The following ELAVL3 variants were observed in gnomAD, a reference collection of about 807,000 sequenced individuals.
ELAVL3 encodes ELAV-like protein 3.
ELAVL3 carries 8 observed loss-of-function variants against 34.2 expected under a neutral mutation model. That is an observed-to-expected ratio of 0.23 (90% CI 0.14 to 0.42). ELAVL3 has a LOEUF of 0.42. Ranked by LOEUF, ELAVL3 falls within the 10% of genes least tolerant of loss-of-function variation. The pLI is 1.00. For missense variants in ELAVL3, 273 were observed against 518.8 expected, an observed-to-expected ratio of 0.53 and a Z score of 4.60; for synonymous variants, 209 against 222.1, an observed-to-expected ratio of 0.94 and a Z score of 0.53.
At chr19:11,471,931 G>A (rs1275541448) in intron 1 of ELAVL3, among the ~76,000 whole-genome samples, 3 of 152,328 alleles carry the variant, frequency 2.0e-5, no homozygotes, top group East Asian at 3.9e-4. Flanking sequence ...GAAATCAGCA[G>A]CAAACAGTGC....
chr19:11,463,465 G>T (rs1332483967), intron 3 of ELAVL3, among the ~76,000 whole-genome samples: 1 of 152,142 alleles, frequency 6.6e-6, no homozygotes, highest in Non-Finnish European at 1.5e-5. Flanking sequence ...GAGTCTCAGA[G>T]AATTACAGTG....
intron 1 of ELAVL3, among the ~76,000 whole-genome samples, chr19:11,477,845 C>T (rs763023082): frequency 2.9e-4 from 44 of 152,030 alleles, no homozygotes; most frequent in Non-Finnish European, 5.0e-4. Context: ...TGCACCATCG[C>T]GCCCCGCTAA....
At chr19:11,469,992 G>C (rs1260137653) in intron 1 of ELAVL3, among the ~76,000 whole-genome samples, 1 of 152,162 alleles carries the variant, frequency 6.6e-6, no homozygotes, top group Non-Finnish European at 1.5e-5. Flanking sequence ...GGGAGGTCAA[G>C]GATGCAGTAA....
chr19:11,464,630 A>G (rs1345831616), intron 3 of ELAVL3, among the ~76,000 whole-genome samples: 1 of 144,426 alleles, frequency 6.9e-6, no homozygotes, highest in Non-Finnish European at 1.5e-5. Flanking sequence ...CACACACACC[A>G]CACACACCAC....
chr19:11,477,941 T>G (rs1971293820), intron 1 of ELAVL3, among the ~76,000 whole-genome samples: 1 of 152,118 alleles, frequency 6.6e-6, no homozygotes, highest in African/African-American at 2.4e-5. Context: ...CCACCCACCT[T>G]GGGCTCCCAA....
chr19:11,471,536 C>T (rs533037023), intron 1 of ELAVL3, among the ~76,000 whole-genome samples: 2 of 152,102 alleles, frequency 1.3e-5, no homozygotes, highest in South Asian at 4.1e-4. Context: ...TTCCTTGAAC[C>T]TGGGAGACGG....
At position 11,454,461 on chromosome 19, in the gene ELAVL3, CTCTCTCTT is replaced by C; in HGVS notation, c.*57_*64del. 4 of 1,401,762 alleles carry C rather than the reference CTCTCTCTT, an allele frequency of 2.9e-6. No homozygotes were observed. Among genetic ancestry groups the C allele is most frequent in the Middle Eastern group, 2.5e-4 (1 of 4,044 alleles). The allele number at this position is 1,401,762 out of a possible 1,614,324, so 86.8% of individuals were successfully genotyped here. ...TCTCTTGGGCCCCTTCTCTCTCTCT[CTCTCTCTT>C]TCTCTCTCTCTCTCTCTGCTGCCCG... On this transcript the variant is annotated 3_prime_UTR_variant, in exon 7 of 7. Transcript: ENST00000359227. This position sits in a 1 kb window ranked among gnomAD's most constrained non-coding sequence, Gnocchi z 9.2.
At chr19:11,469,247 A>G (rs1247307104) in intron 1 of ELAVL3, among the ~76,000 whole-genome samples, 4 of 150,868 alleles carry the variant, frequency 2.7e-5, no homozygotes, top group Non-Finnish European at 4.4e-5. Flanking sequence ...GCTTTAATAC[A>G]TTAATGTCAT....
Position 11,480,282 on chromosome 19 carries a change from G to A in ELAVL3, c.9+318C>T, listed in dbSNP as rs940040123. 5.3e-5 allele frequency: 18 copies of A among 341,340 alleles called. No homozygotes were observed. Among genetic ancestry groups the A allele is most frequent in the Middle Eastern group, 7.5e-4 (1 of 1,332 alleles). 21.1% of individuals were successfully genotyped at this position (341,340 alleles called of 1,614,324 possible). A position where few individuals can be genotyped will look rare whatever the true frequency, so the allele number is the denominator to read the frequency against. ...CTGCGGGGTCTGGGCCTGGATGGAGGAAGCATCCTTAGCCGCCGCGGCCCC... is the reference window on the plus strand; with the variant it reads ...CTGCGGGGTCTGGGCCTGGATGGAGAAAGCATCCTTAGCCGCCGCGGCCCC... On this transcript the variant is annotated intron_variant, in intron 1 of 6. Transcript: ENST00000359227. The surrounding 1 kb of genome is among the most constrained non-coding windows in gnomAD (Gnocchi z 6.8).
chr19:11,465,502 C>G (rs1341436543), intron 3 of ELAVL3, among the ~76,000 whole-genome samples: 2 of 152,008 alleles, frequency 1.3e-5, no homozygotes, highest in East Asian at 3.9e-4. Flanking sequence ...TTCACTCCCC[C>G]ACCCCAATCC....
intron 1 of ELAVL3, among the ~76,000 whole-genome samples, chr19:11,471,592 G>A (rs761860441): frequency 7.9e-5 from 12 of 151,818 alleles, no homozygotes; most frequent in African/African-American, 1.4e-4. Context: ...CAGCCTGGGC[G>A]ACAGAGAGAG....
At position 11,466,705 on chromosome 19, in the gene ELAVL3, G is replaced by A; in HGVS notation, c.132C>T (p.Asn44=). The A allele has an allele frequency of 2.5e-6, 4 of 1,614,226 alleles. No homozygotes were observed. The highest frequency in any genetic ancestry group is 3.4e-6 in the Non-Finnish European group (4 of 1,180,044). Residue 44 remains asparagine (N), a synonymous_variant, in exon 2 of 7, where the codon AAC becomes AAT. Coordinates refer to ENST00000359227, the MANE Select transcript of ELAVL3 (RefSeq NM_001420.4). This position sits in a 1 kb window ranked among gnomAD's most constrained non-coding sequence, Gnocchi z 5.0. ...CCTGGGTCATGTTCTGGGGCAGGTA[G>A]TTGACGATGAGGTTGGTCTTGCTGT... ...TDDSKTNLIV[N]YLPQNMTQDE...
Position 11,466,470 on chromosome 19 carries a change from A to C in ELAVL3, c.229+138T>G. 2 of 1,093,470 alleles carry C rather than the reference A, an allele frequency of 1.8e-6. No individual in the cohort carries two copies. The highest frequency in any genetic ancestry group is 4.0e-5 in the Admixed American group (2 of 49,476). 67.7% of individuals were successfully genotyped at this position (1,093,470 alleles called of 1,614,324 possible). A position where few individuals can be genotyped will look rare whatever the true frequency, so the allele number is the denominator to read the frequency against. ...ACCTAGGGGGTATACCCATCTCCCC[A>C]TCAGACCTCACATCCCTAGACCACC... On this transcript the variant is annotated intron_variant, in intron 2 of 6. Transcript: ENST00000359227. The surrounding 1 kb of genome is among the most constrained non-coding windows in gnomAD (Gnocchi z 5.0).
In ELAVL3 at chr19:11,466,531, G is replaced by A; in HGVS notation, c.229+77C>T. The A allele has an allele frequency of 2.6e-6, 4 of 1,521,406 alleles. No individual in the cohort carries two copies. The highest frequency in any genetic ancestry group is 3.6e-6 in the Non-Finnish European group (4 of 1,107,488). 94.2% of individuals were successfully genotyped at this position (1,521,406 alleles called of 1,614,324 possible). Reference sequence around the variant, plus strand: ...ATTACCCCCGAGACACCTCAGCAAGGGTCCCACCTGCCCCCATCACCTCTG... The same window carrying A: ...ATTACCCCCGAGACACCTCAGCAAGAGTCCCACCTGCCCCCATCACCTCTG... On this transcript the variant is annotated intron_variant, in intron 2 of 6. Transcript: ENST00000359227. This position sits in a 1 kb window ranked among gnomAD's most constrained non-coding sequence, Gnocchi z 5.0.
chr19:11,477,669 C>G (rs1047727167), intron 1 of ELAVL3, among the ~76,000 whole-genome samples: 6 of 150,524 alleles, frequency 4.0e-5, no homozygotes, highest in Admixed American at 3.3e-4. Context: ...CAAGCCACTG[C>G]TTCTGGACAT....
intron 5 of ELAVL3, 94 bp from the exon 6 acceptor site, chr19:11,457,242 G>A: frequency 7.7e-7 from 1 of 1,306,118 alleles, no homozygotes; most frequent in Non-Finnish European, 1.0e-6. Context: ...CACCCAACAG[G>A]CCTGCAGCAG....
Position 11,458,067 on chromosome 19 carries a change from C to T in ELAVL3, c.707G>A (p.Arg236His), listed in dbSNP as rs571838282. The change falls in exon 5 of 7, where the codon CGT becomes CAT. Residue 236 changes from arginine to histidine, a missense_variant. Physicochemically the swap from Arg to His is conservative, Grantham distance 29. This residue lies in a region of ELAVL3 where 79 missense variants were observed against 108.2 expected (regional missense o/e 0.73). Transcript: ENST00000359227. The surrounding 1 kb of genome is among the most constrained non-coding windows in gnomAD (Gnocchi z 7.3). ...YAGPLHHQTQ[R>H]FRLDNLLNMA... ...TGGCTGGCAGGGGGCTCACCGGAAA[C>T]GCTGGGTCTGATGGTGTAGGGGGCC... The T allele has an allele frequency of 3.7e-6, 6 of 1,612,188 alleles. No individual in the cohort carries two copies. Among genetic ancestry groups the T allele is most frequent in the African/African-American group, 1.3e-5 (1 of 75,048 alleles).
intron 1 of ELAVL3, among the ~76,000 whole-genome samples, chr19:11,469,465 A>G (rs1032977967): frequency 2.6e-5 from 4 of 151,838 alleles, no homozygotes; most frequent in Non-Finnish European, 5.9e-5. Flanking sequence ...TTTTTAGTAG[A>G]GGCGGGGTTT....
intron 1 of ELAVL3, among the ~76,000 whole-genome samples, chr19:11,473,856 C>T (rs1971213705): frequency 6.6e-6 from 1 of 152,158 alleles, no homozygotes; most frequent in African/African-American, 2.4e-5. Context: ...GCTTCTGAGC[C>T]TCTGCTCCAT....
Sources: gnomAD v4.1 joint callset for allele counts (sites outside exome capture counted in the v4.1 genomes callset) on GRCh38, gnomAD v4.1.1 for gene constraint, gnomAD v4.1.1 regional missense constraint, Gnocchi (gnomAD v3.1) non-coding constraint, MANE v1.5 for transcripts, NCBI Gene and HGNC (gene_info 2026-07-23, HGNC 2026-07-21) for gene names.